Variants in GPHN observed in about 807,000 individuals in gnomAD.
GPHN encodes the protein gephyrin.
A neutral mutation model predicts 95.5 loss-of-function variants in GPHN; 17 were observed. The observed-to-expected ratio is 0.18, with a 90% confidence interval of 0.12 to 0.27. GPHN has a LOEUF of 0.27. Among genes scored for constraint, GPHN ranks in the 10% least tolerant of loss-of-function variants. The probability of loss-of-function intolerance (pLI) is 1.00; values close to 1 mark genes in which losing one functional copy is unlikely to be tolerated. For missense variants in GPHN, 660 were observed against 978.1 expected, an observed-to-expected ratio of 0.67 and a Z score of 4.34; for synonymous variants, 320 against 322.5, an observed-to-expected ratio of 0.99 and a Z score of 0.08.
At chr14:67,316,784 T>C in the GPHN span, 85 of 1,491,866 alleles carry the variant, frequency 5.7e-5, no homozygotes, top group Non-Finnish European at 7.6e-5. Flanking sequence ...AAAATTCTTA[T>C]CCTTTTATCT....
intron 1 of GPHN, among the ~76,000 whole-genome samples, chr14:66,666,318 G>A (rs980738038): frequency 3.3e-5 from 5 of 150,536 alleles, no homozygotes; most frequent in Admixed American, 6.6e-5. Context: ...GGAAAAGAAT[G>A]CACAATATCT....
intron 2 of GPHN, among the ~76,000 whole-genome samples, chr14:66,738,177 A>T (rs1218936845): frequency 6.6e-6 from 1 of 152,228 alleles, no homozygotes; most frequent in East Asian, 1.9e-4. Context: ...TAGGCTTTCT[A>T]TATTCATTCT....
the GPHN span, among the ~76,000 whole-genome samples, chr14:67,551,470 A>AT: frequency 1.3e-5 from 2 of 151,954 alleles, no homozygotes; most frequent in African/African-American, 4.8e-5. Context: ...ATATATATAT[A>AT]TTTTTTACTG....
intron 6 of GPHN, among the ~76,000 whole-genome samples, chr14:66,919,505 G>A (rs747543274): frequency 6.6e-6 from 1 of 152,086 alleles, no homozygotes; most frequent in African/African-American, 2.4e-5. Context: ...TTGGGATTAG[G>A]AAAATAACAG....
intron 2 of GPHN, among the ~76,000 whole-genome samples, chr14:66,711,414 CCA>C (rs1566853566): frequency 2.0e-5 from 3 of 152,022 alleles, no homozygotes; most frequent in Admixed American, 1.3e-4. Flanking sequence ...TATATATATG[CCA>C]CAGTTTCTTT....
chr14:67,226,033 T>C, the GPHN span, among the ~76,000 whole-genome samples: 1 of 151,378 alleles, frequency 6.6e-6, no homozygotes, highest in Non-Finnish European at 1.5e-5. Flanking sequence ...GGGGGGAGGT[T>C]GGTGGACCAC....
chr14:67,453,621 G>C, the GPHN span, among the ~76,000 whole-genome samples: 47 of 152,348 alleles, frequency 3.1e-4, no homozygotes, highest in African/African-American at 9.6e-4. Flanking sequence ...GGTCAGGATG[G>C]TGTCCCTGTC....
the GPHN span, among the ~76,000 whole-genome samples, chr14:67,284,863 C>A: frequency 4.6e-5 from 7 of 152,086 alleles, no homozygotes; most frequent in East Asian, 1.4e-3. Context: ...TTCCACTGTA[C>A]AAATATACCA....
At chr14:66,954,178 C>T (rs897159061) in intron 8 of GPHN, among the ~76,000 whole-genome samples, 1 of 152,086 alleles carries the variant, frequency 6.6e-6, no homozygotes, top group Admixed American at 6.5e-5. Context: ...CAAAACACAC[C>T]AGTGGGATTT....
chr14:66,588,022 C>T (rs2061493846), intron 1 of GPHN, among the ~76,000 whole-genome samples: 1 of 152,114 alleles, frequency 6.6e-6, no homozygotes, highest in Admixed American at 6.5e-5. Context: ...CCCTCTGGGA[C>T]GAAGCTTCCA....
At chr14:67,678,343 A>T in the GPHN span, 1 of 1,613,698 alleles carries the variant, frequency 6.2e-7, no homozygotes, top group Non-Finnish European at 8.5e-7. Context: ...GAGGCCCAGC[A>T]GGTCACAACT....
intron 2 of GPHN, among the ~76,000 whole-genome samples, chr14:66,737,028 G>A (rs1471854733): frequency 6.6e-6 from 1 of 152,008 alleles, no homozygotes; most frequent in Non-Finnish European, 1.5e-5. Flanking sequence ...TTCATTCATG[G>A]GAACCCTGGT....
At chr14:67,475,350 C>T in the GPHN span, among the ~76,000 whole-genome samples, 5 of 152,146 alleles carry the variant, frequency 3.3e-5, no homozygotes, top group Non-Finnish European at 5.9e-5. Flanking sequence ...GCTATGAACA[C>T]GGGTGTACAA....
chr14:66,973,213 A>G (rs866467284), intron 9 of GPHN, among the ~76,000 whole-genome samples: 18 of 152,280 alleles, frequency 1.2e-4, no homozygotes, highest in Middle Eastern at 3.4e-3. Context: ...TCCAATGACT[A>G]CCGGTACCAT....
chr14:66,764,943 C>T (rs1471076630), intron 2 of GPHN, among the ~76,000 whole-genome samples: 1 of 152,040 alleles, frequency 6.6e-6, no homozygotes, highest in Non-Finnish European at 1.5e-5. Flanking sequence ...AATAGTTAAG[C>T]ATGTATGCAC....
chr14:67,562,540 A>G, the GPHN span: 1 of 1,609,222 alleles, frequency 6.2e-7, no homozygotes, highest in Non-Finnish European at 8.5e-7. Context: ...CTGCCAGGGA[A>G]GGTGGTCCTG....
At chr14:66,826,431 C>G (rs1162467223) in intron 4 of GPHN, among the ~76,000 whole-genome samples, 1 of 152,114 alleles carries the variant, frequency 6.6e-6, no homozygotes, top group East Asian at 1.9e-4. Context: ...ACACTACCTA[C>G]CAGGAATTAG....
chr14:67,340,186 T>TAA, the GPHN span: 2 of 390,062 alleles, frequency 5.1e-6, no homozygotes, highest in Non-Finnish European at 9.4e-6. Context: ...AACATATATT[T>TAA]AAAAAAAAAA....
At chr14:67,081,500 C>A (rs1258998117) in intron 11 of GPHN, among the ~76,000 whole-genome samples, 2 of 152,086 alleles carry the variant, frequency 1.3e-5, no homozygotes, top group Non-Finnish European at 2.9e-5. Context: ...AGATATTAGT[C>A]CTTTGTCAGA....
Sources: allele counts gnomAD v4.1 joint callset (sites outside exome capture counted in the v4.1 genomes callset), GRCh38; gene constraint gnomAD v4.1.1; transcripts MANE v1.5; gene names NCBI Gene and HGNC (gene_info 2026-07-23, HGNC 2026-07-21).